GNB5: variants seen among roughly 807,000 people sequenced by gnomAD.
The protein encoded by GNB5 is guanine nucleotide-binding protein subunit beta-5.
GNB5 carries 37 observed loss-of-function variants against 55.3 expected under a neutral mutation model. The ratio of observed to expected loss-of-function variants is 0.67; its 90% confidence interval spans 0.51 to 0.88. The LOEUF (loss-of-function observed/expected upper bound fraction) is 0.88. Ranked by LOEUF, GNB5 falls within the 40% of genes least tolerant of loss-of-function variation. The probability of loss-of-function intolerance (pLI) is 0.00; values close to 1 mark genes in which losing one functional copy is unlikely to be tolerated. For missense variants in GNB5, 476 were observed against 515.3 expected (o/e 0.92, Z 0.74); for synonymous variants, 219 against 198.5 (o/e 1.10, Z -0.87).
intron 3 of GNB5, among the ~76,000 whole-genome samples, chr15:52,168,789 C>A (rs558385843): frequency 6.6e-6 from 1 of 152,104 alleles, no homozygotes; most frequent in Admixed American, 6.6e-5. Flanking sequence ...CCAATGGAAC[C>A]GAATGGAGAG....
At chr15:52,124,682 C>A in intron 11 of GNB5, 43 bp from the exon 12 acceptor site, 1 of 1,552,194 alleles carries the variant, frequency 6.4e-7, no homozygotes, top group Non-Finnish European at 8.8e-7. Context: ...CAGTTCCTTG[C>A]TTCCTGTTTC....
In GNB5 at chr15:52,118,569, A is replaced by G. The variant is rs2033189230; in HGVS notation, c.*4188T>C. On this transcript the variant is annotated 3_prime_UTR_variant, in exon 13 of 13. Transcript: ENST00000261837. ...ATGAGCAAGTTATTTGGGGTCCTCAATAACTTTTAAGGGTGTAGGCTGGGC... is the reference window on the plus strand; with the variant it reads ...ATGAGCAAGTTATTTGGGGTCCTCAGTAACTTTTAAGGGTGTAGGCTGGGC... 1 of 152,116 alleles carries G rather than the reference A, an allele frequency of 6.6e-6. No homozygotes were observed. Among genetic ancestry groups the G allele is most frequent in the African/African-American group, 2.4e-5 (1 of 41,418 alleles). 9.4% of individuals were successfully genotyped at this position (152,116 alleles called of 1,614,324 possible). A position where few individuals can be genotyped will look rare whatever the true frequency, so the allele number is the denominator to read the frequency against.
intron 9 of GNB5, among the ~76,000 whole-genome samples, chr15:52,128,981 A>T: frequency 7.8e-6 from 1 of 127,580 alleles, no homozygotes; most frequent in African/African-American, 3.0e-5. Context: ...TTTGAGACTG[A>T]GTCTCATTCT....
chr15:52,188,358 A>G (rs2034874241), intron 1 of GNB5, among the ~76,000 whole-genome samples: 1 of 146,420 alleles, frequency 6.8e-6, no homozygotes, highest in African/African-American at 2.8e-5. Context: ...GTTTGGGGGA[A>G]AAAAAGATAT....
At chr15:52,188,553 AT>A (rs1372509060) in intron 1 of GNB5, among the ~76,000 whole-genome samples, 2 of 152,110 alleles carry the variant, frequency 1.3e-5, no homozygotes, top group East Asian at 3.9e-4. Flanking sequence ...TGTTGTACTT[AT>A]TGTCAATATC....
At chr15:52,128,993 T>C (rs1183374523) in intron 9 of GNB5, among the ~76,000 whole-genome samples, 5 of 150,380 alleles carry the variant, frequency 3.3e-5, no homozygotes, top group Non-Finnish European at 7.4e-5. Context: ...TCTCATTCTG[T>C]TGCCCAGGCT....
At chr15:52,137,495 G>C (rs2033752005) in intron 7 of GNB5, 10 of 1,018,686 alleles carry the variant, frequency 9.8e-6, no homozygotes, top group African/African-American at 1.7e-5. Flanking sequence ...GAAGCTTCTG[G>C]GCAGGAGAAT....
intron 3 of GNB5, among the ~76,000 whole-genome samples, chr15:52,171,083 A>C (rs1314137205): frequency 7.4e-6 from 1 of 135,092 alleles, no homozygotes; most frequent in Non-Finnish European, 1.5e-5. Context: ...ATAAAGTGAG[A>C]CTCTATCTCC....
At chr15:52,134,366 A>T (rs902959268) in intron 8 of GNB5, among the ~76,000 whole-genome samples, 3 of 152,202 alleles carry the variant, frequency 2.0e-5, no homozygotes, top group Non-Finnish European at 4.4e-5. Context: ...GAGGTGTGTA[A>T]TGAAGCACCA....
At chr15:52,172,111 T>A (rs970513635) in intron 3 of GNB5, among the ~76,000 whole-genome samples, 1 of 152,076 alleles carries the variant, frequency 6.6e-6, no homozygotes, top group African/African-American at 2.4e-5. Flanking sequence ...CTCTTTAGAG[T>A]TGAATTGTTT....
rs1385076399 is a variant in GNB5, at chr15:52,115,407, T to G, written c.*7350A>C. On this transcript the variant is annotated 3_prime_UTR_variant, in exon 13 of 13. Coordinates refer to ENST00000261837, the MANE Select transcript of GNB5 (RefSeq NM_016194.4). Reference sequence around the variant, plus strand: ...CTATGGGCAAGTTATTCAACTCTCCTAACCTCAATCTCCCCATCTAAAAAT... The same window carrying G: ...CTATGGGCAAGTTATTCAACTCTCCGAACCTCAATCTCCCCATCTAAAAAT... 6.6e-6 allele frequency: 1 copy of G among 152,194 alleles called. No homozygotes were observed. The highest frequency in any genetic ancestry group is 1.5e-5 in the Non-Finnish European group (1 of 68,044). 9.4% of individuals were successfully genotyped at this position (152,194 alleles called of 1,614,324 possible). A position where few individuals can be genotyped will look rare whatever the true frequency, so the allele number is the denominator to read the frequency against.
intron 1 of GNB5, among the ~76,000 whole-genome samples, chr15:52,187,041 A>C (rs893180738): frequency 1.3e-5 from 2 of 152,198 alleles, no homozygotes; most frequent in Non-Finnish European, 2.9e-5. Context: ...AAACAAGTTC[A>C]AGGTCAGCGG....
intron 10 of GNB5, among the ~76,000 whole-genome samples, chr15:52,127,944 T>A (rs1166925358): frequency 6.6e-6 from 1 of 152,074 alleles, no homozygotes; most frequent in East Asian, 1.9e-4. Flanking sequence ...CCTGGGAAAA[T>A]GTTCACATTC....
intron 3 of GNB5, among the ~76,000 whole-genome samples, chr15:52,157,946 T>C (rs909799877): frequency 6.6e-6 from 1 of 152,014 alleles, no homozygotes; most frequent in African/African-American, 2.4e-5. Context: ...TGGGTATTAT[T>C]TGTGTGAACT....
chr15:52,117,102 A>ATATATATTTTTTTTTTTTTT lies in GNB5; in HGVS notation c.*5654_*5655insAAAAAAAAAAAAAATATATA. The ATATATATTTTTTTTTTTTTT allele has an allele frequency of 7.7e-4, 67 of 87,086 alleles. 3 individuals are homozygous for ATATATATTTTTTTTTTTTTT. Among genetic ancestry groups the ATATATATTTTTTTTTTTTTT allele is most frequent in the African/African-American group, 4.0e-3 (65 of 16,434 alleles). The allele number at this position is 87,086 out of a possible 1,614,324, so 5.4% of individuals were successfully genotyped here. A position where few individuals can be genotyped will look rare whatever the true frequency, so the allele number is the denominator to read the frequency against. The stretch of plus-strand genomic sequence containing the variant: ...CCACGCCCAGCTAATATATATATAT[A>ATATATATTTTTTTTTTTTTT]TTTTTTTTTAGTACAGACAGGGTTT... On this transcript the variant is annotated 3_prime_UTR_variant, in exon 13 of 13. Coordinates refer to ENST00000261837, the MANE Select transcript of GNB5 (RefSeq NM_016194.4).
chr15:52,181,971 C>A (rs1355937470), intron 2 of GNB5, among the ~76,000 whole-genome samples: 1 of 151,674 alleles, frequency 6.6e-6, no homozygotes, highest in Non-Finnish European at 1.5e-5. Context: ...TATATAAAAG[C>A]AAAAATATTA....
At chr15:52,139,205 G>A (rs2033796184) in intron 7 of GNB5, among the ~76,000 whole-genome samples, 1 of 152,218 alleles carries the variant, frequency 6.6e-6, no homozygotes, top group Non-Finnish European at 1.5e-5. Context: ...ACTTTGGGAG[G>A]CAAAGGCAAG....
chr15:52,130,296 C>A (rs1241557742), intron 9 of GNB5, among the ~76,000 whole-genome samples: 1 of 152,156 alleles, frequency 6.6e-6, no homozygotes, highest in Non-Finnish European at 1.5e-5. Flanking sequence ...ATAACCTCAG[C>A]CTTGGGTGGA....
At chr15:52,157,677 G>A (rs1056075613) in intron 3 of GNB5, among the ~76,000 whole-genome samples, 2 of 152,030 alleles carry the variant, frequency 1.3e-5, no homozygotes, top group African/African-American at 4.8e-5. Context: ...ATAGCTTTTT[G>A]ATAATTTCCC....
Sources: allele counts gnomAD v4.1 joint callset (sites outside exome capture counted in the v4.1 genomes callset), GRCh38; gene constraint gnomAD v4.1.1; transcripts MANE v1.5; gene names NCBI Gene and HGNC (gene_info 2026-07-23, HGNC 2026-07-21).